Variants in VSIG4 observed in about 807,000 individuals in gnomAD.
VSIG4 encodes V-set and immunoglobulin domain-containing protein 4.
Under a neutral mutation model 23.4 loss-of-function variants are expected in VSIG4, and 34 were observed. The ratio of observed to expected loss-of-function variants is 1.45; its 90% CI spans 1.10 to 1.93. VSIG4 has a LOEUF of 1.93. Ranked by LOEUF, VSIG4 falls within the 30% of genes most tolerant of loss-of-function variation. The pLI is 0.00. For synonymous variants in VSIG4, 169 were observed against 120.3 expected, an observed-to-expected ratio of 1.41 and a Z score of -2.65; for missense variants, 433 against 310.8, an observed-to-expected ratio of 1.39 and a Z score of -2.96.
Position 66,022,667 on chromosome X carries a change from C to A in VSIG4, c.963-167G>T, listed in dbSNP as rs773650068. The A allele has an allele frequency of 1.2e-5, 14 of 1,126,882 alleles. No individual in the cohort carries two copies. In the Admixed American group the frequency reaches 1.9e-4, roughly 16 times the overall value. The allele number at this position is 1,126,882 out of a possible 1,213,427, so 92.9% of individuals were successfully genotyped here. On this transcript the variant is annotated intron_variant, in intron 7 of 7. Transcript: ENST00000374737. ...AAATTATCCTTTGTGTTCAGAGGGC[C>A]AAAACAACCTCAGAAGGTGCCTGAG...
Position 66,022,354 on chromosome X carries a change from A to G in VSIG4, c.1109T>C (p.Ile370Thr), listed in dbSNP as rs2085342248. The G allele has an allele frequency of 4.1e-6, 5 of 1,212,181 alleles. No homozygotes were observed. The highest frequency in any genetic ancestry group is 5.6e-6 in the Non-Finnish European group (5 of 895,591). ...EPCIGQEYQI[I>T]AQINGNYARL... Reference sequence around the variant, plus strand: ...GGCGTAGTTGCCATTGATCTGGGCGATGATCTGGTACTCCTGTCCTATGCA... The same window carrying G: ...GGCGTAGTTGCCATTGATCTGGGCGGTGATCTGGTACTCCTGTCCTATGCA... Residue 370 changes from isoleucine (I) to threonine (T), a missense_variant, in exon 8 of 8, where the codon ATC (isoleucine) becomes ACC (threonine). By Grantham distance (89) the Ile-to-Thr change is moderately conservative. Transcript: ENST00000374737.
chrX:66,039,326 G>T (rs1469836323), intron 1 of VSIG4, among the ~76,000 whole-genome samples: 4 of 111,607 alleles, frequency 3.6e-5, no homozygotes, highest in African/African-American at 1.3e-4. Flanking sequence ...AGCAAAGCTG[G>T]GGTTTTTGGA....
intron 5 of VSIG4, 52 bp downstream of exon 5, chrX:66,027,397 C>A: frequency 9.2e-7 from 1 of 1,085,136 alleles, no homozygotes; most frequent in Admixed American, 2.5e-5. Context: ...AAGTTTTGGT[C>A]ACAAAGCTTA....
At chrX:66,037,579 A>G (rs1409394060) in intron 1 of VSIG4, among the ~76,000 whole-genome samples, 1 of 73,492 alleles carries the variant, frequency 1.4e-5, no homozygotes, top group African/African-American at 5.6e-5. Flanking sequence ...TTATTATATT[A>G]TATTACTTCC....
At chrX:66,036,555 C>T (rs113783814) in intron 1 of VSIG4, among the ~76,000 whole-genome samples, 1 of 90,226 alleles carries the variant, frequency 1.1e-5, no homozygotes, top group Non-Finnish European at 2.1e-5. Context: ...CTTTGAGTCA[C>T]TATCAGTAAA....
intron 6 of VSIG4, 40 bp from the exon 7 acceptor site, chrX:66,022,902 C>T (rs770514878): frequency 8.4e-7 from 1 of 1,188,959 alleles, no homozygotes; most frequent in East Asian, 3.0e-5. Context: ...GTTTTCATGG[C>T]AAGTGGACAA....
chrX:66,023,897 G>A (rs1466474116), intron 6 of VSIG4, among the ~76,000 whole-genome samples: 1 of 112,415 alleles, frequency 8.9e-6, no homozygotes, highest in African/African-American at 3.2e-5. Context: ...CTTATGCCCA[G>A]CCTCATCAAG....
At chrX:66,039,730 T>C (rs1440237413) in intron 1 of VSIG4, among the ~76,000 whole-genome samples, 1 of 112,248 alleles carries the variant, frequency 8.9e-6, no homozygotes, top group Non-Finnish European at 1.9e-5. Flanking sequence ...GAAAAATCCT[T>C]TTTCAATTTC....
At chrX:66,030,176 G>T (rs1203074361) in intron 3 of VSIG4, among the ~76,000 whole-genome samples, 2 of 111,231 alleles carry the variant, frequency 1.8e-5, no homozygotes, top group East Asian at 5.7e-4. Context: ...AGGATCCACT[G>T]CTACACAGAT....
At chrX:66,036,997 T>C (rs1302332138) in intron 1 of VSIG4, among the ~76,000 whole-genome samples, 14 of 33,581 alleles carry the variant, frequency 4.2e-4, no homozygotes, top group Non-Finnish European at 5.1e-4. Flanking sequence ...TATAATATAA[T>C]ATATCATATA....
At chrX:66,032,913 A>C (rs1473110724) in intron 2 of VSIG4, among the ~76,000 whole-genome samples, 164 bp from the exon 3 acceptor site, 1 of 111,905 alleles carries the variant, frequency 8.9e-6, no homozygotes, top group Admixed American at 9.5e-5. Flanking sequence ...CAATACAAAT[A>C]AAATGGCTTC....
At chrX:66,036,790 A>AT (rs1569245036) in intron 1 of VSIG4, among the ~76,000 whole-genome samples, 8 of 38,601 alleles carry the variant, frequency 2.1e-4, no homozygotes, top group East Asian at 9.6e-4. Flanking sequence ...TATTATATAT[A>AT]ATATAATATA....
In VSIG4 at chrX:66,027,491, T is replaced by A. The variant is rs41305395; in HGVS notation, c.793A>T (p.Thr265Ser). ...STVKQSWDWT[T>S]DMDGYLGETS... Reference sequence around the variant, plus strand: ...TCTCCAAGGTAGCCATCCATGTCAGTGGTCCAGTCCCAGGACTGCTTCACT... The same window carrying A: ...TCTCCAAGGTAGCCATCCATGTCAGAGGTCCAGTCCCAGGACTGCTTCACT... The change falls in exon 5 of 8, where the codon ACT (threonine) becomes TCT (serine). Residue 265 changes from threonine (T) to serine (S), a missense_variant. Transcript: ENST00000374737. 6.9e-4 allele frequency: 831 copies of A among 1,203,040 alleles called. No individual in the cohort carries two copies. Among genetic ancestry groups the A allele is most frequent in the South Asian group, 2.7e-3 (149 of 55,350 alleles).
At position 66,030,483 on chromosome X, in the gene VSIG4, G is replaced by A. The variant is rs186458205; in HGVS notation, c.694+1985C>T. 2.4e-4 allele frequency among the ~76,000 whole-genome samples: 27 copies of A among 111,227 alleles called. No individual in the cohort carries two copies. The East Asian group carries it at 7.4e-3, about 30-fold the overall frequency. Reference sequence around the variant, plus strand: ...AGGTAGAGGATAAAGGGTATTGCAGGGCATTGGAGTAGCTGATGTTAAGAG... The same window carrying A: ...AGGTAGAGGATAAAGGGTATTGCAGAGCATTGGAGTAGCTGATGTTAAGAG... On this transcript the variant is annotated intron_variant, in intron 3 of 7. Transcript: ENST00000374737.
rs141882052 is a variant in VSIG4, at chrX:66,033,510, C to T, written c.376G>A (p.Val126Met). The T allele has an allele frequency of 7.6e-5, 92 of 1,208,651 alleles. No individual in the cohort carries two copies. Among genetic ancestry groups the T allele is most frequent in the South Asian group, 6.9e-4 (39 of 56,550 alleles). The change falls in exon 2 of 8, where the codon GTG becomes ATG. Residue 126 changes from valine (V) to methionine (M), a missense_variant. Physicochemically the swap from Val to Met is conservative, Grantham distance 21 (BLOSUM62 1). Coordinates refer to ENST00000374737, the MANE Select transcript of VSIG4 (RefSeq NM_007268.3). ...CGGAGCTCAGTAATCTTATCTCTCACGACTTGGTTGCCATCAGGAGTCTGC... is the reference window on the plus strand; with the variant it reads ...CGGAGCTCAGTAATCTTATCTCTCATGACTTGGTTGCCATCAGGAGTCTGC... ...TWQTPDGNQV[V>M]RDKITELRVQ...
intron 3 of VSIG4, among the ~76,000 whole-genome samples, chrX:66,030,731 GA>G (rs1203999874): frequency 1.8e-5 from 2 of 111,755 alleles, no homozygotes; most frequent in Non-Finnish European, 1.9e-5. Context: ...CTGCTATGAG[GA>G]ATGAGACAAA....
At chrX:66,038,956 T>C (rs2085652470) in intron 1 of VSIG4, among the ~76,000 whole-genome samples, 1 of 111,419 alleles carries the variant, frequency 9.0e-6, no homozygotes, top group Non-Finnish European at 1.9e-5. Context: ...TACCCTATAT[T>C]GGATCTCACT....
At chrX:66,030,398 T>C (rs1005199998) in intron 3 of VSIG4, among the ~76,000 whole-genome samples, 7 of 111,635 alleles carry the variant, frequency 6.3e-5, no homozygotes, top group Non-Finnish European at 5.6e-5. Flanking sequence ...TATATATGTA[T>C]GTATTAGGCT....
chrX:66,036,110 G>A (rs1282142275), intron 1 of VSIG4, among the ~76,000 whole-genome samples: 1 of 111,043 alleles, frequency 9.0e-6, no homozygotes, highest in Non-Finnish European at 1.9e-5. Context: ...TCCCAAAATG[G>A]CATGTTTTTT....
Sources: gnomAD v4.1 joint callset for allele counts (sites outside exome capture counted in the v4.1 genomes callset) on GRCh38, gnomAD v4.1.1 for gene constraint, MANE v1.5 for transcripts, NCBI Gene and HGNC (gene_info 2026-07-23, HGNC 2026-07-21) for gene names.